DLGAP1: variants seen among roughly 807,000 people sequenced by gnomAD.
DLGAP1 encodes DLG associated protein 1.
Under a neutral mutation model 90.8 loss-of-function variants are expected in DLGAP1, and 11 were observed. The ratio of observed to expected loss-of-function variants is 0.12; its 90% CI spans 0.08 to 0.20. The LOEUF (loss-of-function observed/expected upper bound fraction) is 0.20, where lower values mean the gene tolerates loss of function less well. Ranked by LOEUF, DLGAP1 falls within the 10% of genes least tolerant of loss-of-function variation. The probability of loss-of-function intolerance (pLI) is 1.00; values close to 1 mark genes in which losing one functional copy is unlikely to be tolerated. For synonymous variants in DLGAP1, 558 were observed against 540.7 expected, an observed-to-expected ratio of 1.03 and a Z score of -0.44; for missense variants, 1,050 against 1,333.8, an observed-to-expected ratio of 0.79 and a Z score of 3.31.
chr18:4,311,201 C>A (rs2080389458), intron 1 of DLGAP1, among the ~76,000 whole-genome samples: 1 of 152,206 alleles, frequency 6.6e-6, no homozygotes, highest in South Asian at 2.1e-4. Flanking sequence ...TCTGTAATCA[C>A]TGCTACTGGA....
chr18:4,231,222 T>A (rs2078292687), intron 1 of DLGAP1, among the ~76,000 whole-genome samples: 1 of 152,132 alleles, frequency 6.6e-6, no homozygotes, highest in South Asian at 2.1e-4. Context: ...TTCCTTATAT[T>A]TAAGCATATT....
At chr18:4,258,721 T>C (rs1172418463) in intron 1 of DLGAP1, among the ~76,000 whole-genome samples, 1 of 152,038 alleles carries the variant, frequency 6.6e-6, no homozygotes, top group Admixed American at 6.5e-5. Context: ...TCATCGTTCA[T>C]TACGGCAATA....
intron 4 of DLGAP1, among the ~76,000 whole-genome samples, chr18:3,868,990 C>A (rs1272564799): frequency 6.6e-6 from 1 of 152,064 alleles, no homozygotes. Context: ...TTCTCCTAAG[C>A]CAATTAAAGA....
At chr18:4,049,958 A>ATC (rs1568369316) in intron 2 of DLGAP1, among the ~76,000 whole-genome samples, 52 of 125,838 alleles carry the variant, frequency 4.1e-4, no homozygotes, top group African/African-American at 7.1e-4. Context: ...ATCCATCCAT[A>ATC]CTTTAATTCA....
intron 3 of DLGAP1, among the ~76,000 whole-genome samples, chr18:3,908,577 G>C (rs1326594030): frequency 6.6e-6 from 1 of 152,070 alleles, no homozygotes; most frequent in Non-Finnish European, 1.5e-5. Context: ...CACTGTCATA[G>C]GAGGCCATGT....
intron 2 of DLGAP1, among the ~76,000 whole-genome samples, chr18:4,140,629 G>C (rs2076480292): frequency 6.6e-6 from 1 of 151,834 alleles, no homozygotes; most frequent in African/African-American, 2.4e-5. Context: ...TACTTTTACT[G>C]GTGAGTTTTG....
intron 2 of DLGAP1, among the ~76,000 whole-genome samples, chr18:4,025,323 A>AC (rs1555726817): frequency 0.034 from 5,090 of 150,296 alleles, 139 homozygotes; most frequent in Non-Finnish European, 0.056. Context: ...TCCAATGAGC[A>AC]TTTTTTTTTT....
At chr18:4,211,156 C>A (rs16946278) in intron 1 of DLGAP1, among the ~76,000 whole-genome samples, 1 of 152,022 alleles carries the variant, frequency 6.6e-6, no homozygotes, top group African/African-American at 2.4e-5. Flanking sequence ...CCTGGTTTAC[C>A]GCATTAAGAT....
At chr18:3,519,543 T>A (rs994169347) in intron 10 of DLGAP1, among the ~76,000 whole-genome samples, 5 of 152,228 alleles carry the variant, frequency 3.3e-5, no homozygotes, top group African/African-American at 1.2e-4. Context: ...AACACTGCTG[T>A]GATTTGGATG....
intron 1 of DLGAP1, among the ~76,000 whole-genome samples, chr18:4,322,943 G>GAACAAAAAAAA: frequency 1.0e-5 from 1 of 97,602 alleles, no homozygotes. Flanking sequence ...CCTGGGCACA[G>GAACAAAAAAAA]AAAAAAAAAA....
At chr18:3,953,133 T>G (rs145521070) in intron 3 of DLGAP1, among the ~76,000 whole-genome samples, 145 of 152,346 alleles carry the variant, frequency 9.5e-4, no homozygotes, top group African/African-American at 3.3e-3. Flanking sequence ...CTTTAGCTCC[T>G]GAAATGGTGT....
intron 2 of DLGAP1, among the ~76,000 whole-genome samples, chr18:4,123,290 A>C (rs1037450726): frequency 2.0e-5 from 3 of 152,036 alleles, no homozygotes; most frequent in African/African-American, 7.2e-5. Context: ...GGAAAGGAGA[A>C]AGGGGGATCA....
intron 1 of DLGAP1, among the ~76,000 whole-genome samples, chr18:4,266,688 A>G (rs1019219786): frequency 1.3e-5 from 2 of 152,256 alleles, no homozygotes; most frequent in Admixed American, 1.3e-4. Context: ...CAGTTGCTGG[A>G]AAGTCAAAAC....
chr18:3,938,494 G>T (rs1043094542), intron 3 of DLGAP1, among the ~76,000 whole-genome samples: 2 of 152,178 alleles, frequency 1.3e-5, no homozygotes, highest in African/African-American at 4.8e-5. Context: ...GGAAGTGCAG[G>T]TGCAAGGTCG....
chr18:3,702,536 C>T (rs779639597), intron 7 of DLGAP1, among the ~76,000 whole-genome samples: 7 of 152,132 alleles, frequency 4.6e-5, no homozygotes, highest in South Asian at 4.1e-4. Flanking sequence ...TGCATGCAGG[C>T]GCCCTAGGAT....
chr18:3,691,219 C>T (rs544575863), intron 7 of DLGAP1, among the ~76,000 whole-genome samples: 13 of 152,094 alleles, frequency 8.5e-5, no homozygotes, highest in East Asian at 5.8e-4. Context: ...GAGGTGGAGG[C>T]GGGTGGATCA....
At chr18:4,447,594 T>C (rs1349403769) in intron 1 of DLGAP1, among the ~76,000 whole-genome samples, 1 of 152,116 alleles carries the variant, frequency 6.6e-6, no homozygotes, top group East Asian at 1.9e-4. Flanking sequence ...ATCTGGGTGG[T>C]GGACACAAAG....
chr18:3,741,343 C>A (rs1401826845), intron 6 of DLGAP1, among the ~76,000 whole-genome samples: 1 of 147,118 alleles, frequency 6.8e-6, no homozygotes, highest in Non-Finnish European at 1.5e-5. Context: ...CCACCACCAC[C>A]ACCACCACCA....
intron 1 of DLGAP1, among the ~76,000 whole-genome samples, chr18:4,359,715 C>T (rs2081592577): frequency 6.6e-6 from 1 of 152,008 alleles, no homozygotes; most frequent in South Asian, 2.1e-4. Flanking sequence ...TACGATGGTG[C>T]CTTGGACTAG....
Sources: gnomAD v4.1 joint callset for allele counts (sites outside exome capture counted in the v4.1 genomes callset) on GRCh38, gnomAD v4.1.1 for gene constraint, MANE v1.5 for transcripts, NCBI Gene and HGNC (gene_info 2026-07-23, HGNC 2026-07-21) for gene names.